The following ABCB4 variants were observed in gnomAD, a reference collection of about 807,000 sequenced individuals.
ABCB4 encodes the protein ATP binding cassette subfamily B member 4.
Under a neutral mutation model 145.7 loss-of-function variants are expected in ABCB4, and 76 were observed. That is an observed-to-expected ratio of 0.52 (90% confidence interval 0.43 to 0.63). The LOEUF (loss-of-function observed/expected upper bound fraction) is 0.63, where lower values mean the gene tolerates loss of function less well. Ranked by LOEUF, ABCB4 falls within the 30% of genes least tolerant of loss-of-function variation. The pLI is 0.00. For synonymous variants in ABCB4, 517 were observed against 566.8 expected, an observed-to-expected ratio of 0.91 and a Z score of 1.25; for missense variants, 1,234 against 1,553.1, an observed-to-expected ratio of 0.79 and a Z score of 3.45.
the ABCB4 span, chr7:87,382,593 A>G: frequency 1.3e-6 from 2 of 1,539,940 alleles, no homozygotes; most frequent in South Asian, 2.5e-5. Context: ...CCAAGGGTAT[A>G]TCTTTTTTTA....
At chr7:87,370,067 T>G in the ABCB4 span, among the ~76,000 whole-genome samples, 1 of 152,122 alleles carries the variant, frequency 6.6e-6, no homozygotes, top group Non-Finnish European at 1.5e-5. Context: ...CCATGGATTA[T>G]TTTGAAGATA....
At chr7:87,400,378 G>A (rs1055443986), downstream of ABCB4, among the ~76,000 whole-genome samples, 2 of 152,138 alleles carry the variant, frequency 1.3e-5, no homozygotes, top group Admixed American at 6.6e-5. Context: ...TAAGAAACAT[G>A]TACGCTCTGA....
the ABCB4 span, chr7:87,392,981 T>C: frequency 1.2e-6 from 2 of 1,613,626 alleles, no homozygotes; most frequent in Non-Finnish European, 1.7e-6. Flanking sequence ...TCTCAACAAG[T>C]CTGGTTGGCT....
the ABCB4 span, among the ~76,000 whole-genome samples, chr7:87,391,909 G>A: frequency 6.6e-6 from 1 of 152,158 alleles, no homozygotes; most frequent in African/African-American, 2.4e-5. Context: ...GGCAGGAAAA[G>A]GATCCCATTT....
the ABCB4 span, among the ~76,000 whole-genome samples, chr7:87,386,624 G>A: frequency 1.3e-5 from 2 of 152,100 alleles, no homozygotes; most frequent in South Asian, 4.1e-4. Flanking sequence ...TCTTGTAAAA[G>A]TTCAGATTGC....
At chr7:87,389,317 T>C in the ABCB4 span, among the ~76,000 whole-genome samples, 2 of 152,172 alleles carry the variant, frequency 1.3e-5, no homozygotes, top group East Asian at 1.9e-4. Context: ...TAAAGATACA[T>C]GCACACATAT....
downstream of ABCB4, among the ~76,000 whole-genome samples, chr7:87,398,153 A>C (rs1807606181): frequency 6.6e-6 from 1 of 151,792 alleles, no homozygotes; most frequent in Admixed American, 6.6e-5. Flanking sequence ...AACAGTTTAA[A>C]TTTCATTAAA....
chr7:87,422,489 T>C (rs548049454), intron 17 of ABCB4, among the ~76,000 whole-genome samples: 2 of 152,214 alleles, frequency 1.3e-5, no homozygotes, highest in East Asian at 1.9e-4. Flanking sequence ...TTCCCAAACT[T>C]CCCAAACTTG....
rs190502230 is a variant in ABCB4, at chr7:87,465,926, A to G, written c.136-3018T>C. Reference sequence around the variant, plus strand: ...GTCACCATCATCAAAAACCAAAGGTAGATAAAACCACAAAGATGGGGAAAA... The same window carrying G: ...GTCACCATCATCAAAAACCAAAGGTGGATAAAACCACAAAGATGGGGAAAA... On this transcript the variant is annotated intron_variant, in intron 3 of 27. Transcript: ENST00000649586. Among the ~76,000 whole-genome samples, 501 of 152,332 alleles carry G rather than the reference A, an allele frequency of 3.3e-3. 2 individuals carry two copies. The highest frequency in any genetic ancestry group is 0.011 in the African/African-American group (469 of 41,568).
chr7:87,465,994 C>T (rs1812866790), intron 3 of ABCB4, among the ~76,000 whole-genome samples: 1 of 152,216 alleles, frequency 6.6e-6, no homozygotes, highest in African/African-American at 2.4e-5. Context: ...CAGAGCGCCT[C>T]TCCTCCTCCA....
At chr7:87,460,747 T>C (rs1444566835) in intron 4 of ABCB4, among the ~76,000 whole-genome samples, 1 of 151,702 alleles carries the variant, frequency 6.6e-6, no homozygotes, top group Non-Finnish European at 1.5e-5. Flanking sequence ...ACCTCCTGGG[T>C]TCAAGCAACT....
the ABCB4 span, among the ~76,000 whole-genome samples, chr7:87,366,220 C>G: frequency 2.0e-5 from 3 of 151,750 alleles, no homozygotes; most frequent in Non-Finnish European, 4.4e-5. Flanking sequence ...TTACTACTTC[C>G]CCTGTACCCT....
intron 9 of ABCB4, among the ~76,000 whole-genome samples, chr7:87,446,678 C>A (rs868572328): frequency 1.3e-5 from 2 of 152,136 alleles, no homozygotes; most frequent in Non-Finnish European, 2.9e-5. Flanking sequence ...TGTGCAATGA[C>A]CTATTCTGTA....
downstream of ABCB4, among the ~76,000 whole-genome samples, chr7:87,397,919 T>G (rs1431502999): frequency 1.3e-5 from 2 of 152,202 alleles, no homozygotes; most frequent in Non-Finnish European, 2.9e-5. Flanking sequence ...AGTGGAAGAC[T>G]AGCTCTAAGT....
At chr7:87,445,901 C>T (rs960340851) in intron 9 of ABCB4, among the ~76,000 whole-genome samples, 7 of 152,108 alleles carry the variant, frequency 4.6e-5, no homozygotes, top group African/African-American at 7.2e-5. Context: ...TCAGCCCTAC[C>T]GGATAGGTGT....
chr7:87,462,270 G>C (rs745967212), intron 4 of ABCB4, among the ~76,000 whole-genome samples: 19 of 152,134 alleles, frequency 1.2e-4, no homozygotes, highest in Non-Finnish European at 2.4e-4. Context: ...TCAAGTTCCA[G>C]TCAATCTGGT....
At chr7:87,402,889 C>T (rs1461087756) in intron 27 of ABCB4, among the ~76,000 whole-genome samples, 7 of 152,140 alleles carry the variant, frequency 4.6e-5, no homozygotes, top group African/African-American at 1.7e-4. Context: ...GTCCCAGCTA[C>T]TCAGGAGGTT....
At chr7:87,374,191 T>C in the ABCB4 span, among the ~76,000 whole-genome samples, 1 of 152,094 alleles carries the variant, frequency 6.6e-6, no homozygotes, top group Non-Finnish European at 1.5e-5. Context: ...GATGTGTAGC[T>C]GAAAAACAGG....
At position 87,453,111 on chromosome 7, in the gene ABCB4, C is replaced by G. The variant is rs1323783957; in HGVS notation, c.369G>C (p.Leu123Phe). 3.1e-6 allele frequency: 5 copies of G among 1,613,890 alleles called. No individual in the cohort carries two copies. The African/African-American group carries it at 6.7e-5, about 22-fold the overall frequency. ...MTRYAYYYSG[L>F]GAGVLVAAYI... ...AGGCAGCAACAAGAACTCCAGCACC[C>G]AATCCTGAGTAGTAATATGCATATC... The change falls in exon 6 of 28, where the codon TTG becomes TTC. Residue 123 changes from leucine (L) to phenylalanine (F), a missense_variant. This residue lies in a region of ABCB4 where 467 missense variants were observed against 632.8 expected (regional missense o/e 0.74). Transcript: ENST00000649586.
Sources: allele counts gnomAD v4.1 joint callset (sites outside exome capture counted in the v4.1 genomes callset), GRCh38; gene constraint gnomAD v4.1.1; regional missense constraint gnomAD v4.1.1; transcripts MANE v1.5; gene names NCBI Gene and HGNC (gene_info 2026-07-23, HGNC 2026-07-21).